The following CASP5 variants were observed in gnomAD, a reference collection of about 807,000 sequenced individuals.
CASP5 encodes the protein caspase-5.
Under a neutral mutation model 45.2 loss-of-function variants are expected in CASP5, and 42 were observed. The ratio of observed to expected loss-of-function variants is 0.93; its 90% confidence interval spans 0.73 to 1.20. The LOEUF is 1.20. CASP5 is among the 50% of genes most tolerant of loss of function. The probability of loss-of-function intolerance (pLI) is 0.00; values close to 1 mark genes in which losing one functional copy is unlikely to be tolerated. For missense variants in CASP5, 512 were observed against 532.2 expected (o/e 0.96, Z 0.37); for synonymous variants, 209 against 186.2 (o/e 1.12, Z -1.00).
At chr11:104,995,618 G>T in intron 9 of CASP5, 122 bp downstream of exon 9, 1 of 606,154 alleles carries the variant, frequency 1.6e-6, no homozygotes, top group Non-Finnish European at 3.0e-6. Context: ...ATACTCACCA[G>T]ACTACATCAA....
At chr11:105,021,095 T>C (rs1297298873) in intron 1 of CASP5, among the ~76,000 whole-genome samples, 1 of 151,974 alleles carries the variant, frequency 6.6e-6, no homozygotes, top group Non-Finnish European at 1.5e-5. Context: ...CTGGGAAAAC[T>C]GGCTAGCCAT....
rs558432564 is a variant in CASP5, at chr11:105,009,382, T to G, written c.8-402A>C. Among the ~76,000 whole-genome samples the G allele has an allele frequency of 9.2e-5, 14 of 151,904 alleles. No homozygotes were observed. In the South Asian group the frequency reaches 2.9e-3, roughly 31 times the overall value. On this transcript the variant is annotated intron_variant, in intron 1 of 9. Transcript: ENST00000260315. ...TTATTCCTACTAGACTGCAGGATCT[T>G]TCCTTTTCTCTGTATTTAGCTTCCT...
chr11:105,001,980 A>G (rs1166481062), intron 5 of CASP5, 48 bp downstream of exon 5: 1 of 1,568,348 alleles, frequency 6.4e-7, no homozygotes, highest in Non-Finnish European at 8.7e-7. Flanking sequence ...TTATTAGAAG[A>G]ATCTGTGTTG....
rs141713649 is a variant in CASP5 at position 105,003,319 on chromosome 11, A to T, written c.498T>A (p.Cys166Ter). 1 of 1,607,980 alleles carries T rather than the reference A, an allele frequency of 6.2e-7. No homozygotes were observed. The highest frequency in any genetic ancestry group is 1.3e-5 in the African/African-American group (1 of 74,424). The part of the protein sequence containing the change: ...SAESTNILKL[C>*]PREEFLRLCK... Reference sequence around the variant, plus strand: ...ACAGTCTCAGGAATTCTTCACGAGGACAAAGTTTGAGTATATTTGTAGATT... The same window carrying T: ...ACAGTCTCAGGAATTCTTCACGAGGTCAAAGTTTGAGTATATTTGTAGATT... Residue 166 changes from cysteine (C) to a stop codon, truncating the protein, a stop_gained, in exon 4 of 10, where the codon TGT becomes TGA. Transcript: ENST00000260315. LOFTEE classifies it high-confidence loss of function.
intron 1 of CASP5, among the ~76,000 whole-genome samples, chr11:105,018,703 A>G (rs1281113080): frequency 4.1e-5 from 6 of 145,862 alleles, no homozygotes; most frequent in African/African-American, 1.3e-4. Flanking sequence ...CACATTAATA[A>G]TGGGAGACTT....
At chr11:105,015,544 A>G (rs373262595) in intron 1 of CASP5, among the ~76,000 whole-genome samples, 3 of 152,160 alleles carry the variant, frequency 2.0e-5, no homozygotes, top group African/African-American at 7.2e-5. Context: ...TTTAACAAAG[A>G]CCAACTACAC....
chr11:105,013,164 C>G (rs541279279), intron 1 of CASP5, among the ~76,000 whole-genome samples: 1 of 152,032 alleles, frequency 6.6e-6, no homozygotes, highest in African/African-American at 2.4e-5. Flanking sequence ...ATAAGCCAAG[C>G]TGGGCACCAA....
intron 3 of CASP5, among the ~76,000 whole-genome samples, chr11:105,005,064 A>G (rs1047283569): frequency 6.6e-6 from 1 of 152,152 alleles, no homozygotes; most frequent in Non-Finnish European, 1.5e-5. Context: ...AAAATAATAA[A>G]TATTATAGTG....
chr11:105,003,218 T>G (rs767901560), intron 4 of CASP5, 56 bp downstream of exon 4: 1 of 1,100,352 alleles, frequency 9.1e-7, no homozygotes, highest in Non-Finnish European at 1.4e-6. Flanking sequence ...TGCATTGCAT[T>G]TAATGAAAGC....
chr11:105,006,672 A>G (rs915571037), intron 3 of CASP5, among the ~76,000 whole-genome samples: 2 of 152,180 alleles, frequency 1.3e-5, no homozygotes, highest in Non-Finnish European at 2.9e-5. Flanking sequence ...TGGCATTACA[A>G]TGTTTCTGGC....
chr11:105,014,931 A>G (rs571659813), intron 1 of CASP5, among the ~76,000 whole-genome samples: 1 of 152,340 alleles, frequency 6.6e-6, no homozygotes, highest in Non-Finnish European at 1.5e-5. Flanking sequence ...CTGAGACCTG[A>G]AAGACTAGGA....
At chr11:105,003,413 G>T (rs929086512) in intron 3 of CASP5, 30 bp from the exon 4 acceptor site, 4 of 1,293,210 alleles carry the variant, frequency 3.1e-6, no homozygotes, top group Admixed American at 4.2e-5. Flanking sequence ...ATAAATTATG[G>T]TTTCTGCCTC....
chr11:104,996,719 T>TA (rs1861484912), intron 8 of CASP5, among the ~76,000 whole-genome samples: 1 of 152,094 alleles, frequency 6.6e-6, no homozygotes, highest in South Asian at 2.1e-4. Flanking sequence ...TATTAGTGAG[T>TA]AAATACAGGT....
chr11:105,005,356 A>ATGGGTG (rs1861953291), intron 3 of CASP5, among the ~76,000 whole-genome samples: 1 of 139,248 alleles, frequency 7.2e-6, no homozygotes, highest in African/African-American at 2.9e-5. Flanking sequence ...GTATATATAT[A>ATGGGTG]TGTGTGTGTG....
At chr11:105,015,826 G>A (rs1355388251) in intron 1 of CASP5, among the ~76,000 whole-genome samples, 2 of 152,090 alleles carry the variant, frequency 1.3e-5, no homozygotes, top group Non-Finnish European at 2.9e-5. Flanking sequence ...GAGGTGAGAT[G>A]TAAACCTTGG....
intron 6 of CASP5, among the ~76,000 whole-genome samples, chr11:104,999,778 A>G (rs999129078): frequency 1.3e-5 from 2 of 152,244 alleles, no homozygotes; most frequent in African/African-American, 4.8e-5. Context: ...CAGGAATAAA[A>G]AGAGGGAGAG....
rs1862142236 is a variant in CASP5 at position 105,008,985 on chromosome 11, C to G, written c.8-5G>C. On this transcript the variant is annotated splice_region_variant and splice_polypyrimidine_tract_variant and intron_variant, in intron 1 of 9. Transcript: ENST00000260315. ...TTTTTTTTTTGCCACTGTCTTCTATCAGAAATATAAAGACTCCTTCAACTC... is the reference window on the plus strand; with the variant it reads ...TTTTTTTTTTGCCACTGTCTTCTATGAGAAATATAAAGACTCCTTCAACTC... 6.2e-7 allele frequency: 1 copy of G among 1,611,362 alleles called. No homozygotes were observed. Among genetic ancestry groups the G allele is most frequent in the Non-Finnish European group, 8.5e-7 (1 of 1,178,880 alleles).
chr11:105,020,125 C>A (rs1271903970), intron 1 of CASP5, among the ~76,000 whole-genome samples: 1 of 145,938 alleles, frequency 6.9e-6, no homozygotes, highest in Non-Finnish European at 1.5e-5. Flanking sequence ...GCTAAAAACT[C>A]TCAATAAATT....
chr11:105,018,804 C>A (rs1346126125), intron 1 of CASP5, among the ~76,000 whole-genome samples: 6 of 140,410 alleles, frequency 4.3e-5, no homozygotes. Context: ...ACCAAGCGGA[C>A]CTAATAGACA....
Sources: allele counts gnomAD v4.1 joint callset (sites outside exome capture counted in the v4.1 genomes callset), GRCh38; gene constraint gnomAD v4.1.1; transcripts MANE v1.5; gene names NCBI Gene and HGNC (gene_info 2026-07-23, HGNC 2026-07-21).